Variants in ENTREP2 observed in about 807,000 individuals in gnomAD.
The protein encoded by ENTREP2 is endosomal transmembrane epsin interactor 2.
At chr15:29,597,888 G>A in the ENTREP2 span, among the ~76,000 whole-genome samples, 19 of 152,186 alleles carry the variant, frequency 1.2e-4, no homozygotes, top group African/African-American at 4.1e-4. Context: ...TTGGGAGGCC[G>A]AGGAGTGTGG....
chr15:29,542,804 A>G, the ENTREP2 span, among the ~76,000 whole-genome samples: 34 of 152,344 alleles, frequency 2.2e-4, no homozygotes, highest in South Asian at 1.2e-3. Flanking sequence ...TGGGTACCTC[A>G]TATAAGTGGA....
At chr15:29,330,233 T>C in the ENTREP2 span, among the ~76,000 whole-genome samples, 1 of 149,720 alleles carries the variant, frequency 6.7e-6, no homozygotes, top group Non-Finnish European at 1.5e-5. Flanking sequence ...GGTCAGGAGA[T>C]GGAGATCATC....
At chr15:29,417,323 T>G in the ENTREP2 span, among the ~76,000 whole-genome samples, 3 of 152,106 alleles carry the variant, frequency 2.0e-5, no homozygotes, top group Admixed American at 6.5e-5. Flanking sequence ...CCATAAAAAA[T>G]GATGAGTTCT....
At chr15:29,517,246 G>A in the ENTREP2 span, among the ~76,000 whole-genome samples, 2 of 152,132 alleles carry the variant, frequency 1.3e-5, no homozygotes, top group African/African-American at 2.4e-5. Context: ...TAATATTAGT[G>A]TGCCAGACAC....
the ENTREP2 span, among the ~76,000 whole-genome samples, chr15:29,194,704 C>T: frequency 6.6e-6 from 1 of 152,144 alleles, no homozygotes; most frequent in Non-Finnish European, 1.5e-5. Context: ...CCTGAGACTG[C>T]ATTCTTAGAG....
At chr15:29,432,359 G>C in the ENTREP2 span, among the ~76,000 whole-genome samples, 1 of 152,112 alleles carries the variant, frequency 6.6e-6, no homozygotes, top group Non-Finnish European at 1.5e-5. Context: ...CTTGAGCATG[G>C]GTCTGTACTG....
chr15:29,646,446 G>A, the ENTREP2 span, among the ~76,000 whole-genome samples: 1 of 152,180 alleles, frequency 6.6e-6, no homozygotes, highest in African/African-American at 2.4e-5. Flanking sequence ...TAGGGGTGAA[G>A]AGCCACTGTC....
the ENTREP2 span, among the ~76,000 whole-genome samples, chr15:29,657,623 C>T: frequency 1.1e-4 from 16 of 151,994 alleles, no homozygotes; most frequent in East Asian, 5.8e-4. Flanking sequence ...TTTTACAGAA[C>T]GCTGATTGGT....
At chr15:29,585,855 CAAAAAAAAAA>C in the ENTREP2 span, among the ~76,000 whole-genome samples, 2 of 110,874 alleles carry the variant, frequency 1.8e-5, no homozygotes, top group African/African-American at 3.8e-5. Flanking sequence ...GACTCTGTCT[CAAAAAAAAAA>C]AAAAAAAAAA....
At chr15:29,182,725 G>A in the ENTREP2 span, among the ~76,000 whole-genome samples, 2 of 152,146 alleles carry the variant, frequency 1.3e-5, no homozygotes, top group South Asian at 4.2e-4. Context: ...AATGAGAATG[G>A]CCAAGACAGT....
At chr15:29,408,950 A>G in the ENTREP2 span, among the ~76,000 whole-genome samples, 12 of 152,206 alleles carry the variant, frequency 7.9e-5, no homozygotes, top group African/African-American at 2.9e-4. Context: ...TTTCTATATA[A>G]CCTGTGAGGC....
the ENTREP2 span, among the ~76,000 whole-genome samples, chr15:29,426,862 G>T: frequency 6.6e-6 from 1 of 152,152 alleles, no homozygotes; most frequent in Non-Finnish European, 1.5e-5. Flanking sequence ...ACTGGGCGCC[G>T]AGTGGTCAGT....
the ENTREP2 span, among the ~76,000 whole-genome samples, chr15:29,554,350 G>A: frequency 6.7e-6 from 1 of 150,186 alleles, no homozygotes; most frequent in Non-Finnish European, 1.5e-5. Flanking sequence ...AGTGAGGAAG[G>A]TAAGGAAGGA....
chr15:29,371,215 A>G, the ENTREP2 span, among the ~76,000 whole-genome samples: 5 of 152,076 alleles, frequency 3.3e-5, no homozygotes, highest in African/African-American at 7.2e-5. Context: ...CAGGAAGACT[A>G]AAGTGGATCT....
At chr15:29,367,602 C>T in the ENTREP2 span, among the ~76,000 whole-genome samples, 1 of 152,200 alleles carries the variant, frequency 6.6e-6, no homozygotes, top group Admixed American at 6.5e-5. Flanking sequence ...CAGAGTGCCA[C>T]ATGCATGCAT....
chr15:29,442,600 ACAGCCC>A, the ENTREP2 span, among the ~76,000 whole-genome samples: 1 of 152,146 alleles, frequency 6.6e-6, no homozygotes, highest in South Asian at 2.1e-4. Flanking sequence ...CAGGGCACAC[ACAGCCC>A]CAAATCAGGG....
chr15:29,407,634 G>A, the ENTREP2 span, among the ~76,000 whole-genome samples: 1 of 152,054 alleles, frequency 6.6e-6, no homozygotes, highest in East Asian at 1.9e-4. Context: ...GGTCCAAGAA[G>A]GACATATCTC....
chr15:29,219,735 A>G, the ENTREP2 span, among the ~76,000 whole-genome samples: 1 of 148,580 alleles, frequency 6.7e-6, no homozygotes. Flanking sequence ...GAGATTGGAG[A>G]CTACTATTCT....
chr15:29,555,835 GAC>G, the ENTREP2 span, among the ~76,000 whole-genome samples: 1 of 152,190 alleles, frequency 6.6e-6, no homozygotes, highest in African/African-American at 2.4e-5. Context: ...GTCAGAGTCA[GAC>G]ACACTCCTGT....
Sources: gnomAD v4.1 joint callset for allele counts (sites outside exome capture counted in the v4.1 genomes callset) on GRCh38, gnomAD v4.1.1 for gene constraint, MANE v1.5 for transcripts, NCBI Gene and HGNC (gene_info 2026-07-23, HGNC 2026-07-21) for gene names.